Variants in GALNTL6 observed in about 807,000 individuals in gnomAD.
GALNTL6 encodes the protein polypeptide N-acetylgalactosaminyltransferase like 6.
In GALNTL6, 46 loss-of-function variants were observed where a neutral mutation model predicts 73.7. That is an observed-to-expected ratio of 0.62 (90% CI 0.49 to 0.80). GALNTL6 has a LOEUF of 0.80. GALNTL6 is among the 30% of genes least tolerant of loss of function. The pLI is 0.00. For synonymous variants in GALNTL6, 259 were observed against 263.7 expected, an observed-to-expected ratio of 0.98 and a Z score of 0.17; for missense variants, 604 against 755.0, an observed-to-expected ratio of 0.80 and a Z score of 2.34.
In GALNTL6 at chr4:172,731,718, T is replaced by A. The variant is rs572873783; in HGVS notation, c.554-77643T>A. 1.3e-4 allele frequency among the ~76,000 whole-genome samples: 20 copies of A among 152,288 alleles called. No homozygotes were observed. The South Asian group carries it at 3.3e-3, about 25-fold the overall frequency. On this transcript the variant is annotated intron_variant, in intron 5 of 12. Coordinates refer to ENST00000506823, the MANE Select transcript of GALNTL6 (RefSeq NM_001034845.3). Reference sequence around the variant, plus strand: ...CTTCCTCTTAGTACTGCTTTAGCTGTATTCCATAGAGTTTGGCATTTTGCA... The same window carrying A: ...CTTCCTCTTAGTACTGCTTTAGCTGAATTCCATAGAGTTTGGCATTTTGCA...
At chr4:172,915,158 A>G in intron 8 of GALNTL6, among the ~76,000 whole-genome samples, 1 of 152,256 alleles carries the variant, frequency 6.6e-6, no homozygotes, top group East Asian at 1.9e-4. Flanking sequence ...TACTGGGTAC[A>G]TAATGAAATG....
rs62341883 is a variant in GALNTL6 at position 172,973,271 on chromosome 4, A to G, written c.1371+21013A>G. ...ATCACTGAATCATACACATTCTGGT[A>G]TGATATGATGCAACGTGAAAGCATT... On this transcript the variant is annotated intron_variant, in intron 10 of 12. Transcript: ENST00000506823. 3.6e-3 allele frequency among the ~76,000 whole-genome samples: 552 copies of G among 152,354 alleles called. 2 individuals carry two copies. The highest frequency in any genetic ancestry group is 6.8e-3 in the Non-Finnish European group (461 of 68,022).
In GALNTL6 at chr4:172,206,775, G is replaced by GTTT. The variant is rs1214874685; in HGVS notation, c.139-22877_139-22875dup. On this transcript the variant is annotated intron_variant, in intron 2 of 12. Transcript: ENST00000506823. ...ATGCATATCAGAGCAGATGAAACGTGTTTTTTGTTTTGTTTTGTTTTGTTT... is the reference window on the plus strand; with the variant it reads ...ATGCATATCAGAGCAGATGAAACGTGTTTTTTTTTGTTTTGTTTTGTTTTGTTT... 5.8e-4 allele frequency among the ~76,000 whole-genome samples: 46 copies of GTTT among 79,780 alleles called. 17 individuals carry two copies. Among genetic ancestry groups the GTTT allele is most frequent in the South Asian group, 5.3e-3 (7 of 1,328 alleles). 52.3% of individuals were successfully genotyped at this position (79,780 alleles called of 152,430 possible).
intron 2 of GALNTL6, among the ~76,000 whole-genome samples, chr4:172,171,069 A>T (rs1160864357): frequency 6.6e-6 from 1 of 152,106 alleles, no homozygotes; most frequent in Non-Finnish European, 1.5e-5. Flanking sequence ...CTTGGTGTTT[A>T]TGTGGTAAAG....
intron 5 of GALNTL6, among the ~76,000 whole-genome samples, chr4:172,660,658 A>G (rs547542244): frequency 6.6e-6 from 1 of 152,342 alleles, no homozygotes; most frequent in East Asian, 1.9e-4. Context: ...TGAAGGAAAC[A>G]GACAGGACCC....
intron 2 of GALNTL6, among the ~76,000 whole-genome samples, chr4:172,023,168 C>G (rs914500711): frequency 1.3e-5 from 2 of 151,694 alleles, no homozygotes; most frequent in African/African-American, 4.8e-5. Context: ...AATATATATC[C>G]AGAAATGAAA....
At chr4:172,007,769 T>A (rs1740882315) in intron 2 of GALNTL6, among the ~76,000 whole-genome samples, 1 of 152,150 alleles carries the variant, frequency 6.6e-6, no homozygotes, top group Non-Finnish European at 1.5e-5. Flanking sequence ...ACAGAGCCCA[T>A]CCAGCATTCC....
intron 10 of GALNTL6, among the ~76,000 whole-genome samples, chr4:172,956,992 G>A (rs1366892641): frequency 4.6e-5 from 7 of 152,220 alleles, no homozygotes; most frequent in African/African-American, 1.7e-4. Flanking sequence ...TCTGACAGAA[G>A]AGAAGAGATG....
intron 3 of GALNTL6, among the ~76,000 whole-genome samples, chr4:172,284,008 C>A (rs1293466275): frequency 6.6e-6 from 1 of 152,050 alleles, no homozygotes; most frequent in Non-Finnish European, 1.5e-5. Flanking sequence ...TTTTTCTTGA[C>A]TCTTTCATGG....
At chr4:172,534,374 A>G (rs1735270751) in intron 5 of GALNTL6, among the ~76,000 whole-genome samples, 1 of 152,244 alleles carries the variant, frequency 6.6e-6, no homozygotes, top group Non-Finnish European at 1.5e-5. Context: ...TTCCAGGAAT[A>G]TGTGTGGGCA....
In GALNTL6 at chr4:173,007,313, C is replaced by G. The variant is rs541520254; in HGVS notation, c.1372-1865C>G. Among the ~76,000 whole-genome samples the G allele has an allele frequency of 5.9e-5, 9 of 152,252 alleles. No homozygotes were observed. The East Asian group carries it at 1.4e-3, about 23-fold the overall frequency. ...TGGTTAAATCATCAGTTGGGCCCAT[C>G]CTGGTTTTGTTTCCATTCTTATAAG... is the stretch of plus-strand genomic sequence containing the variant. On this transcript the variant is annotated intron_variant, in intron 10 of 12. Coordinates refer to ENST00000506823, the MANE Select transcript of GALNTL6 (RefSeq NM_001034845.3).
chr4:172,942,747 C>T (rs914531674), intron 9 of GALNTL6, among the ~76,000 whole-genome samples: 1 of 152,176 alleles, frequency 6.6e-6, no homozygotes, highest in Non-Finnish European at 1.5e-5. Context: ...TCCACCACCA[C>T]TCACAGAAGC....
intron 5 of GALNTL6, among the ~76,000 whole-genome samples, chr4:172,802,218 T>C (rs1172928848): frequency 6.6e-6 from 1 of 152,152 alleles, no homozygotes; most frequent in Non-Finnish European, 1.5e-5. Context: ...CAGGCCTCCA[T>C]AACAACAGTT....
At chr4:172,389,029 C>T (rs896095649) in intron 5 of GALNTL6, among the ~76,000 whole-genome samples, 8 of 151,710 alleles carry the variant, frequency 5.3e-5, no homozygotes, top group African/African-American at 1.2e-4. Flanking sequence ...AATCATCCTC[C>T]GAATTTAAAA....
intron 5 of GALNTL6, among the ~76,000 whole-genome samples, chr4:172,651,308 A>T (rs1740466473): frequency 6.6e-6 from 1 of 152,230 alleles, no homozygotes; most frequent in East Asian, 1.9e-4. Context: ...ATATTGCAAC[A>T]GGAATTACTC....
chr4:172,269,910 G>T (rs914851438), intron 3 of GALNTL6, among the ~76,000 whole-genome samples: 1 of 151,756 alleles, frequency 6.6e-6, no homozygotes, highest in Non-Finnish European at 1.5e-5. Flanking sequence ...TGCCACCATG[G>T]CCAGCTAATT....
chr4:172,244,079 A>T (rs926856694), intron 3 of GALNTL6, among the ~76,000 whole-genome samples: 1 of 152,206 alleles, frequency 6.6e-6, no homozygotes, highest in Non-Finnish European at 1.5e-5. Context: ...CTCAATAGAT[A>T]TCATAATGAG....
intron 2 of GALNTL6, among the ~76,000 whole-genome samples, chr4:171,857,044 A>G (rs1425350822): frequency 1.3e-5 from 2 of 152,192 alleles, no homozygotes; most frequent in African/African-American, 2.4e-5. Context: ...ACATGCACAC[A>G]TTGACTTTTA....
intron 5 of GALNTL6, among the ~76,000 whole-genome samples, chr4:172,650,200 T>C (rs1740414247): frequency 1.3e-5 from 2 of 152,112 alleles, no homozygotes. Flanking sequence ...CAGGAGTGGG[T>C]CGCCCTCTAA....
Sources: allele counts gnomAD v4.1 joint callset (sites outside exome capture counted in the v4.1 genomes callset), GRCh38; gene constraint gnomAD v4.1.1; transcripts MANE v1.5; gene names NCBI Gene and HGNC (gene_info 2026-07-23, HGNC 2026-07-21).